ERICH3: variants seen among roughly 807,000 people sequenced by gnomAD.
The protein encoded by ERICH3 is glutamate-rich protein 3.
Under a neutral mutation model 131.1 loss-of-function variants are expected in ERICH3, and 126 were observed. That is an observed-to-expected ratio of 0.96 (90% CI 0.83 to 1.11). The LOEUF (loss-of-function observed/expected upper bound fraction) is 1.11, where lower values mean the gene tolerates loss of function less well. Ranked by LOEUF, ERICH3 falls within the 50% of genes most tolerant of loss-of-function variation. The probability of loss-of-function intolerance (pLI) is 0.00; values close to 1 mark genes in which losing one functional copy is unlikely to be tolerated. For missense variants in ERICH3, 2,050 were observed against 1,810.7 expected (o/e 1.13, Z -2.40); for synonymous variants, 695 against 644.6 (o/e 1.08, Z -1.18).
At chr1:74,614,601 C>T (rs1252967837) in intron 8 of ERICH3, among the ~76,000 whole-genome samples, 2 of 149,114 alleles carry the variant, frequency 1.3e-5, no homozygotes, top group South Asian at 4.5e-4. Context: ...GGCGTGAACC[C>T]GGGAGGCGGA....
At chr1:74,648,224 C>T (rs1646502099) in intron 2 of ERICH3, among the ~76,000 whole-genome samples, 1 of 152,100 alleles carries the variant, frequency 6.6e-6, no homozygotes, top group South Asian at 2.1e-4. Context: ...TAAGTAAATA[C>T]AAAGTCCTTC....
chr1:74,620,604 G>A (rs1649171007), intron 8 of ERICH3, 130 bp downstream of exon 8: 1 of 712,178 alleles, frequency 1.4e-6, no homozygotes, highest in Non-Finnish European at 2.2e-6. Context: ...CTTTTAGGCA[G>A]CTGGTTTATA....
rs1030053575 is a variant in ERICH3, at chr1:74,583,806, C to A, written c.2176+5825G>T. Among the ~76,000 whole-genome samples the A allele has an allele frequency of 2.0e-5, 3 of 152,240 alleles. No individual in the cohort carries two copies. The South Asian group carries it at 6.2e-4, about 32-fold the overall frequency. On this transcript the variant is annotated intron_variant, in intron 12 of 14. Transcript: ENST00000326665. Reference sequence around the variant, plus strand: ...AATACAAATGCTCTAATTTGGTATACGTTACATCTTTTACATTTCCTATCG... The same window carrying A: ...AATACAAATGCTCTAATTTGGTATAAGTTACATCTTTTACATTTCCTATCG...
intron 3 of ERICH3, among the ~76,000 whole-genome samples, chr1:74,644,146 G>A (rs1045324178): frequency 8.6e-5 from 13 of 151,772 alleles, no homozygotes; most frequent in African/African-American, 2.9e-4. Context: ...TCTGTTCTTG[G>A]TTCCCTCCTG....
At chr1:74,630,348 C>T (rs685512) in intron 7 of ERICH3, among the ~76,000 whole-genome samples, 7,142 of 152,260 alleles carry the variant, frequency 0.047, 443 homozygotes, top group African/African-American at 0.15. Context: ...ATACTTCCTA[C>T]TCCATTGAGG....
At chr1:74,602,985 G>A (rs1648215698) in intron 10 of ERICH3, among the ~76,000 whole-genome samples, 1 of 151,890 alleles carries the variant, frequency 6.6e-6, no homozygotes, top group African/African-American at 2.4e-5. Flanking sequence ...ATTCACTTTA[G>A]TCAGTAATAA....
At chr1:74,650,113 T>C (rs1646520122) in intron 1 of ERICH3, among the ~76,000 whole-genome samples, 1 of 152,198 alleles carries the variant, frequency 6.6e-6, no homozygotes, top group Admixed American at 6.6e-5. Flanking sequence ...GACTTATTTT[T>C]ATTGTTATAA....
At chr1:74,652,209 T>G (rs1009138591) in intron 1 of ERICH3, among the ~76,000 whole-genome samples, 1 of 152,194 alleles carries the variant, frequency 6.6e-6, no homozygotes, top group African/African-American at 2.4e-5. Flanking sequence ...ATCAAGAAAT[T>G]GCTCTAAAGT....
At chr1:74,664,454 A>G (rs74476846) in intron 1 of ERICH3, among the ~76,000 whole-genome samples, 2,787 of 152,272 alleles carry the variant, frequency 0.018, 88 homozygotes, top group African/African-American at 0.064. Flanking sequence ...CAAGCAATGA[A>G]GAGAAACAGC....
At chr1:74,613,362 A>G (rs1648795255) in intron 8 of ERICH3, among the ~76,000 whole-genome samples, 1 of 152,220 alleles carries the variant, frequency 6.6e-6, no homozygotes, top group Non-Finnish European at 1.5e-5. Flanking sequence ...ATTCTAGGTC[A>G]AGAAATTAAG....
chr1:74,658,473 G>A (rs2100651279), intron 1 of ERICH3, among the ~76,000 whole-genome samples: 1 of 152,202 alleles, frequency 6.6e-6, no homozygotes, highest in South Asian at 2.1e-4. Context: ...AGTAAGTAGT[G>A]CTTCTCTGTC....
chr1:74,578,081 C>T (rs1647102173), intron 12 of ERICH3: 1 of 152,184 alleles, frequency 6.6e-6, no homozygotes, highest in Admixed American at 6.5e-5. Context: ...TCACAGAGAC[C>T]TAAATTCAAG....
intron 12 of ERICH3, among the ~76,000 whole-genome samples, chr1:74,584,243 G>A (rs1647235630): frequency 6.6e-6 from 1 of 152,176 alleles, no homozygotes; most frequent in Admixed American, 6.5e-5. Context: ...AAAGACAGTT[G>A]CAGAGAATGC....
At chr1:74,600,049 T>G (rs1247744356) in intron 10 of ERICH3, 118 bp from the exon 11 acceptor site, 4 of 713,226 alleles carry the variant, frequency 5.6e-6, no homozygotes, top group African/African-American at 3.6e-5. Flanking sequence ...TTTCTTTGCT[T>G]CTTCTTTTTC....
At chr1:74,593,758 G>A (rs901088910) in intron 11 of ERICH3, among the ~76,000 whole-genome samples, 1 of 152,024 alleles carries the variant, frequency 6.6e-6, no homozygotes, top group Non-Finnish European at 1.5e-5. Context: ...CTTCTATTTT[G>A]AGATCCAGAA....
At chr1:74,590,518 C>T (rs1213013295) in intron 11 of ERICH3, among the ~76,000 whole-genome samples, 1 of 152,212 alleles carries the variant, frequency 6.6e-6, no homozygotes, top group Non-Finnish European at 1.5e-5. Flanking sequence ...AAGGAGCTCA[C>T]AACCTAGAAC....
chr1:74,643,999 C>CA (rs1327692425), intron 3 of ERICH3, among the ~76,000 whole-genome samples: 1 of 152,040 alleles, frequency 6.6e-6, no homozygotes, highest in Admixed American at 6.6e-5. Context: ...CTTTTCCCCC[C>CA]AAGTTTTTGT....
rs761827695 is a variant in ERICH3 at position 74,631,748 on chromosome 1, T to C, written c.784A>G (p.Thr262Ala). Residue 262 changes from threonine to alanine, a missense_variant, in exon 7 of 15, where the codon ACT (threonine) becomes GCT (alanine). Coordinates refer to ENST00000326665, the MANE Select transcript of ERICH3 (RefSeq NM_001002912.5). ...TWRRRRFRPTTAPNGLEPLLT... is the reference protein window; with the variant it reads ...TWRRRRFRPTAAPNGLEPLLT... ...AGAGGTTCTAAGCCATTTGGAGCAG[T>C]GGTTGGACGAAATCTTCTCCTTCTC... 20 of 1,613,432 alleles carry C rather than the reference T, an allele frequency of 1.2e-5. No individual in the cohort carries two copies. Among genetic ancestry groups the C allele is most frequent in the Non-Finnish European group, 1.7e-5 (20 of 1,179,522 alleles).
At position 74,572,925 on chromosome 1, in the gene ERICH3, C is replaced by G; in HGVS notation, c.2785G>C (p.Glu929Gln). ...VAALREAATS[E>Q]EGEAEGGVAV... is the part of the protein sequence containing the mutation. ...ACCCCACCCTCAGCCTCTCCCTCCT[C>G]CGATGTCGCTGCCTCTCTCAGGGCT... Residue 929 changes from glutamate (E) to glutamine (Q), a missense_variant, in exon 14 of 15, where the codon GAG becomes CAG. Physicochemically the swap from Glu to Gln is conservative, Grantham distance 29 (BLOSUM62 2). Coordinates refer to ENST00000326665, the MANE Select transcript of ERICH3 (RefSeq NM_001002912.5). The G allele has an allele frequency of 6.2e-7, 1 of 1,614,046 alleles. No homozygotes were observed. The highest frequency in any genetic ancestry group is 1.1e-5 in the South Asian group (1 of 91,082).
Sources: gnomAD v4.1 joint callset for allele counts (sites outside exome capture counted in the v4.1 genomes callset) on GRCh38, gnomAD v4.1.1 for gene constraint, MANE v1.5 for transcripts, NCBI Gene and HGNC (gene_info 2026-07-23, HGNC 2026-07-21) for gene names.